Variants in CAMSAP2 observed in about 807,000 individuals in gnomAD.
The protein encoded by CAMSAP2 is calmodulin-regulated spectrin-associated protein 2.
A neutral mutation model predicts 146.1 loss-of-function variants in CAMSAP2; 26 were observed. The ratio of observed to expected loss-of-function variants is 0.18; its 90% CI spans 0.13 to 0.25. The LOEUF (loss-of-function observed/expected upper bound fraction) is 0.25, where lower values mean the gene tolerates loss of function less well. CAMSAP2 is among the 10% of genes least tolerant of loss of function. CAMSAP2 has a pLI of 1.00. For missense variants in CAMSAP2, 1,381 were observed against 1,759.3 expected, an observed-to-expected ratio of 0.78 and a Z score of 3.85; for synonymous variants, 499 against 596.6, an observed-to-expected ratio of 0.84 and a Z score of 2.38.
In CAMSAP2 at chr1:200,803,609, G is replaced by C. The variant is rs556400196; in HGVS notation, c.400-3767G>C. 1.5e-3 allele frequency among the ~76,000 whole-genome samples: 191 copies of C among 130,942 alleles called. 1 individual carries two copies. The highest frequency in any genetic ancestry group is 4.7e-3 in the African/African-American group (180 of 38,470). The allele number at this position is 130,942 out of a possible 152,430, so 85.9% of individuals were successfully genotyped here. ...TTAATTATCACTATCATATTGTAAA[G>C]TTAAGAAGTAAAAAAAAAAAATCAC... On this transcript the variant is annotated intron_variant, in intron 2 of 16. Transcript: ENST00000358823.
At chr1:200,786,734 A>G (rs1665603648) in intron 2 of CAMSAP2, among the ~76,000 whole-genome samples, 1 of 152,226 alleles carries the variant, frequency 6.6e-6, no homozygotes, top group African/African-American at 2.4e-5. Context: ...AGAGGATGCC[A>G]TATAGGACTT....
At chr1:200,815,459 G>GCT in intron 3 of CAMSAP2, 102 bp from the exon 4 acceptor site, 1 of 510,814 alleles carries the variant, frequency 2.0e-6, no homozygotes, top group Non-Finnish European at 3.3e-6. Flanking sequence ...TGACATCAGG[G>GCT]CTCTGACTAT....
chr1:200,767,185 A>G (rs1424604939), intron 2 of CAMSAP2, among the ~76,000 whole-genome samples: 1 of 152,090 alleles, frequency 6.6e-6, no homozygotes, highest in African/African-American at 2.4e-5. Flanking sequence ...ACAAAAAAAA[A>G]TTAGCTGGGC....
intron 2 of CAMSAP2, among the ~76,000 whole-genome samples, chr1:200,782,200 C>T (rs181834871): frequency 4.3e-4 from 66 of 152,108 alleles, no homozygotes; most frequent in Admixed American, 7.9e-4. Flanking sequence ...CATTTGATGC[C>T]GTGTGTGGTA....
intron 4 of CAMSAP2, among the ~76,000 whole-genome samples, chr1:200,823,293 A>G (rs1258427124): frequency 6.6e-6 from 1 of 152,180 alleles, no homozygotes; most frequent in African/African-American, 2.4e-5. Flanking sequence ...TTATGTATTT[A>G]CTTTTAAAAT....
intron 2 of CAMSAP2, among the ~76,000 whole-genome samples, chr1:200,781,968 C>T (rs961735685): frequency 2.0e-5 from 3 of 151,852 alleles, no homozygotes; most frequent in Non-Finnish European, 4.4e-5. Flanking sequence ...TAATTTATTT[C>T]CTTTAAGTGT....
At chr1:200,814,478 C>T (rs891804143) in intron 3 of CAMSAP2, among the ~76,000 whole-genome samples, 3 of 151,420 alleles carry the variant, frequency 2.0e-5, no homozygotes, top group South Asian at 4.2e-4. Flanking sequence ...GGCATGATGG[C>T]GGGCGCCTGT....
At chr1:200,775,758 T>A (rs1665253148) in intron 2 of CAMSAP2, among the ~76,000 whole-genome samples, 1 of 152,174 alleles carries the variant, frequency 6.6e-6, no homozygotes, top group Non-Finnish European at 1.5e-5. Context: ...CTCGAACTCC[T>A]GACCTCAGGT....
intron 4 of CAMSAP2, among the ~76,000 whole-genome samples, chr1:200,817,048 G>GTATGTGTATACACACACGTATA (rs1373569295): frequency 7.2e-6 from 1 of 139,808 alleles, no homozygotes; most frequent in Non-Finnish European, 1.6e-5. Flanking sequence ...ATACACACGT[G>GTATGTGTATACACACACGTATA]TATGTGTATA....
At chr1:200,777,224 G>A (rs114666924) in intron 2 of CAMSAP2, among the ~76,000 whole-genome samples, 3,886 of 152,146 alleles carry the variant, frequency 0.026, 173 homozygotes, top group African/African-American at 0.087. Flanking sequence ...GTGTTTTGGA[G>A]TCATTTATTC....
chr1:200,784,755 A>G (rs1219486920), intron 2 of CAMSAP2, among the ~76,000 whole-genome samples: 1 of 152,162 alleles, frequency 6.6e-6, no homozygotes, highest in Admixed American at 6.5e-5. Context: ...TTCTTATTGC[A>G]CTGCCAAACA....
At chr1:200,766,346 T>G (rs1462560671) in intron 2 of CAMSAP2, among the ~76,000 whole-genome samples, 1 of 152,106 alleles carries the variant, frequency 6.6e-6, no homozygotes, top group Non-Finnish European at 1.5e-5. Context: ...AGACAGGGTC[T>G]CCCTATGTTG....
chr1:200,752,659 C>T (rs946253240), intron 1 of CAMSAP2, among the ~76,000 whole-genome samples: 1 of 151,532 alleles, frequency 6.6e-6, no homozygotes, highest in Non-Finnish European at 1.5e-5. Context: ...GCTCTGTCGC[C>T]CAGGCTGGAG....
At chr1:200,816,922 G>C (rs1245990085) in intron 4 of CAMSAP2, among the ~76,000 whole-genome samples, 1 of 72,900 alleles carries the variant, frequency 1.4e-5, no homozygotes, top group Non-Finnish European at 2.6e-5. Flanking sequence ...GTGTATGTGT[G>C]TACACACACA....
At chr1:200,757,906 G>A (rs1664693752) in intron 1 of CAMSAP2, among the ~76,000 whole-genome samples, 1 of 152,128 alleles carries the variant, frequency 6.6e-6, no homozygotes, top group Non-Finnish European at 1.5e-5. Context: ...TTAATGAAAT[G>A]GAAGCAACCC....
At chr1:200,813,422 C>A (rs540016450) in intron 3 of CAMSAP2, among the ~76,000 whole-genome samples, 9 of 152,320 alleles carry the variant, frequency 5.9e-5, no homozygotes, top group Middle Eastern at 6.8e-3. Flanking sequence ...ATAGATCTTC[C>A]TGCTCCCATT....
At chr1:200,766,681 T>A (rs1664962419) in intron 2 of CAMSAP2, among the ~76,000 whole-genome samples, 1 of 152,216 alleles carries the variant, frequency 6.6e-6, no homozygotes, top group African/African-American at 2.4e-5. Context: ...CTTATTTTAC[T>A]TCTCTTTTAC....
At chr1:200,842,803 C>T (rs1201542042) in intron 7 of CAMSAP2, among the ~76,000 whole-genome samples, 4 of 151,932 alleles carry the variant, frequency 2.6e-5, no homozygotes, top group Non-Finnish European at 4.4e-5. Flanking sequence ...TGGTGAAACC[C>T]TGTCTCTACT....
At chr1:200,841,436 C>T (rs1372682685) in intron 6 of CAMSAP2, among the ~76,000 whole-genome samples, 3 of 152,108 alleles carry the variant, frequency 2.0e-5, no homozygotes, top group African/African-American at 4.8e-5. Flanking sequence ...TTAGTAGAGA[C>T]GGGGTTTCAC....
Sources: allele counts gnomAD v4.1 joint callset (sites outside exome capture counted in the v4.1 genomes callset), GRCh38; gene constraint gnomAD v4.1.1; transcripts MANE v1.5; gene names NCBI Gene and HGNC (gene_info 2026-07-23, HGNC 2026-07-21).